The following PHLPP1 variants were observed in gnomAD, a reference collection of about 807,000 sequenced individuals.
PHLPP1 encodes the protein PH domain leucine-rich repeat-containing protein phosphatase 1.
PHLPP1 carries 42 observed loss-of-function variants against 117.2 expected under a neutral mutation model. The observed-to-expected ratio is 0.36, with a 90% CI of 0.28 to 0.46. PHLPP1 has a LOEUF of 0.46. Among genes scored for constraint, PHLPP1 ranks in the 20% least tolerant of loss-of-function variants. The pLI, the probability that PHLPP1 is intolerant of heterozygous loss-of-function variation, is 1.00. For synonymous variants in PHLPP1, 1,042 were observed against 970.7 expected (o/e 1.07, Z -1.37); for missense variants, 2,084 against 2,241.9 (o/e 0.93, Z 1.42).
At chr18:62,945,781 A>G (rs1017703226) in intron 12 of PHLPP1, among the ~76,000 whole-genome samples, 1 of 152,228 alleles carries the variant, frequency 6.6e-6, no homozygotes, top group Non-Finnish European at 1.5e-5. Context: ...AACGGAATGA[A>G]ATTGGCAGAG....
chr18:62,766,813 T>TC (rs1912552628), intron 1 of PHLPP1, among the ~76,000 whole-genome samples: 1 of 152,208 alleles, frequency 6.6e-6, no homozygotes, highest in Non-Finnish European at 1.5e-5. Context: ...CTCTTTTACT[T>TC]CAACACCAAA....
rs376182005 is a variant in PHLPP1 at position 62,895,895 on chromosome 18, C to T, written c.2328C>T (p.Pro776=). ...GLSFNEFTDI[P]EVLEKLTAVD... is the part of the protein sequence containing the mutation. ...CTTTCAATGAATTTACTGACATTCC[C>T]GAAGTATTGGAGAAATTGACTGCTG... The change falls in exon 6 of 17, where the codon CCC becomes CCT. Residue 776 remains proline, a synonymous_variant. Transcript: ENST00000262719. The T allele has an allele frequency of 1.9e-5, 30 of 1,612,934 alleles. No homozygotes were observed. Among genetic ancestry groups the T allele is most frequent in the South Asian group, 6.6e-5 (6 of 91,042 alleles).
intron 1 of PHLPP1, among the ~76,000 whole-genome samples, chr18:62,788,033 A>G (rs1044156295): frequency 3.3e-5 from 5 of 152,246 alleles, no homozygotes; most frequent in Admixed American, 6.5e-5. Context: ...ATCCTGTCAT[A>G]AACATTTCAT....
At chr18:62,784,874 G>T (rs945295526) in intron 1 of PHLPP1, among the ~76,000 whole-genome samples, 2 of 152,136 alleles carry the variant, frequency 1.3e-5, no homozygotes, top group Non-Finnish European at 2.9e-5. Context: ...AGGGCAAAAT[G>T]AGTCATAAAA....
intron 1 of PHLPP1, among the ~76,000 whole-genome samples, chr18:62,823,096 A>T (rs1914513567): frequency 6.6e-6 from 1 of 152,214 alleles, no homozygotes; most frequent in South Asian, 2.1e-4. Context: ...CATGGGAGAA[A>T]ATTTTACTGG....
intron 1 of PHLPP1, among the ~76,000 whole-genome samples, chr18:62,824,407 A>G (rs1914552208): frequency 6.6e-6 from 1 of 152,214 alleles, no homozygotes. Flanking sequence ...ACAAAAAATA[A>G]TGAACTCTTG....
intron 1 of PHLPP1, among the ~76,000 whole-genome samples, chr18:62,772,270 A>G (rs1396126263): frequency 6.6e-6 from 1 of 152,244 alleles, no homozygotes; most frequent in African/African-American, 2.4e-5. Context: ...GGATGATAAT[A>G]TAATAGTAAT....
intron 1 of PHLPP1, among the ~76,000 whole-genome samples, chr18:62,813,995 G>T (rs1261036505): frequency 6.6e-6 from 1 of 151,274 alleles, no homozygotes; most frequent in Non-Finnish European, 1.5e-5. Context: ...CCCTATGTTT[G>T]CAGAATCTTT....
At chr18:62,803,890 G>A (rs1323282133) in intron 1 of PHLPP1, among the ~76,000 whole-genome samples, 2 of 152,252 alleles carry the variant, frequency 1.3e-5, no homozygotes, top group East Asian at 1.9e-4. Flanking sequence ...TGTGGTTGGT[G>A]TATAGTTTGG....
chr18:62,725,845 G>T (rs1047262104), intron 1 of PHLPP1, among the ~76,000 whole-genome samples: 12 of 152,084 alleles, frequency 7.9e-5, no homozygotes, highest in Non-Finnish European at 1.5e-4. Flanking sequence ...ATTCCCCAAA[G>T]ATTACTGTTC....
At chr18:62,849,832 A>AAAATATATATATATATATAT (rs1555677083) in intron 3 of PHLPP1, among the ~76,000 whole-genome samples, 1 of 33,078 alleles carries the variant, frequency 3.0e-5, no homozygotes, top group Non-Finnish European at 5.3e-5. Context: ...AAAAAAAAAA[A>AAAATATATATATATATATAT]ATATATATAT....
chr18:62,802,896 A>T (rs189491577), intron 1 of PHLPP1, among the ~76,000 whole-genome samples: 1 of 152,228 alleles, frequency 6.6e-6, no homozygotes, highest in East Asian at 1.9e-4. Context: ...AGTTCAGAGA[A>T]GTTGTTTCAG....
At chr18:62,850,700 TTGTG>T (rs1215827335) in intron 3 of PHLPP1, among the ~76,000 whole-genome samples, 9 of 152,096 alleles carry the variant, frequency 5.9e-5, no homozygotes, top group African/African-American at 2.2e-4. Flanking sequence ...ACAATGGGGT[TTGTG>T]TGTGTGGAAG....
chr18:62,789,814 C>T (rs1027377684), intron 1 of PHLPP1, among the ~76,000 whole-genome samples: 4 of 152,118 alleles, frequency 2.6e-5, no homozygotes, highest in Non-Finnish European at 4.4e-5. Context: ...TTAATATATA[C>T]ATATATATGC....
At chr18:62,964,709 A>G (rs998436970) in intron 14 of PHLPP1, among the ~76,000 whole-genome samples, 1 of 152,182 alleles carries the variant, frequency 6.6e-6, no homozygotes, top group Non-Finnish European at 1.5e-5. Flanking sequence ...TCTTTAGAGC[A>G]CTCAGAGTTT....
At chr18:62,912,895 A>G (rs1299119635) in intron 8 of PHLPP1, among the ~76,000 whole-genome samples, 1 of 152,268 alleles carries the variant, frequency 6.6e-6, no homozygotes, top group African/African-American at 2.4e-5. Flanking sequence ...GGCTGGGATT[A>G]TAGGCATGAA....
chr18:62,966,777 A>G (rs535176471), intron 14 of PHLPP1, among the ~76,000 whole-genome samples: 1 of 152,272 alleles, frequency 6.6e-6, no homozygotes, highest in Admixed American at 6.5e-5. Context: ...CAGTTCTGCA[A>G]GTTTTGGTAA....
At chr18:62,776,012 GATAGCCTATCTATGTCTATAC>G (rs1235046329) in intron 1 of PHLPP1, among the ~76,000 whole-genome samples, 2 of 151,952 alleles carry the variant, frequency 1.3e-5, no homozygotes, top group African/African-American at 4.8e-5. Context: ...GAACCAATAA[GATAGCCTATCTATGTCTATAC>G]ATAGGCATAG....
intron 12 of PHLPP1, among the ~76,000 whole-genome samples, chr18:62,947,448 G>A (rs888594745): frequency 1.3e-5 from 2 of 152,154 alleles, no homozygotes; most frequent in Admixed American, 6.5e-5. Flanking sequence ...TTTATTTGCC[G>A]TTCAGCACAG....
Sources: allele counts gnomAD v4.1 joint callset (sites outside exome capture counted in the v4.1 genomes callset), GRCh38; gene constraint gnomAD v4.1.1; transcripts MANE v1.5; gene names NCBI Gene and HGNC (gene_info 2026-07-23, HGNC 2026-07-21).